Variants in ADGB observed in about 807,000 individuals in gnomAD.
ADGB encodes the protein calpain-7-like protein.
In ADGB, 172 loss-of-function variants were observed where a neutral mutation model predicts 210.5. The observed-to-expected ratio is 0.82, with a 90% CI of 0.72 to 0.93. The LOEUF is 0.93. Ranked by LOEUF, ADGB falls within the 40% of genes least tolerant of loss-of-function variation. ADGB has a pLI of 0.00. For synonymous variants in ADGB, 658 were observed against 662.7 expected, an observed-to-expected ratio of 0.99 and a Z score of 0.11; for missense variants, 2,025 against 1,964.8, an observed-to-expected ratio of 1.03 and a Z score of -0.58.
At chr6:146,711,783 A>G (rs1444721264) in intron 13 of ADGB, among the ~76,000 whole-genome samples, 4 of 152,004 alleles carry the variant, frequency 2.6e-5, no homozygotes, top group Non-Finnish European at 5.9e-5. Context: ...TAATCCCAGC[A>G]TGTTGGTAGG....
chr6:146,769,269 C>A (rs142447431), intron 29 of ADGB, 138 bp downstream of exon 29: 1 of 470,438 alleles, frequency 2.1e-6, no homozygotes, highest in Non-Finnish European at 3.9e-6. Flanking sequence ...TACTCTATAT[C>A]CTGTTACATT....
intron 3 of ADGB, among the ~76,000 whole-genome samples, chr6:146,646,666 A>G (rs1775617414): frequency 6.6e-6 from 1 of 152,166 alleles, no homozygotes; most frequent in African/African-American, 2.4e-5. Context: ...AAAATATTTT[A>G]CAACCCTGTA....
intron 2 of ADGB, among the ~76,000 whole-genome samples, chr6:146,641,866 C>T (rs1245397005): frequency 6.6e-6 from 1 of 151,978 alleles, no homozygotes; most frequent in Non-Finnish European, 1.5e-5. Flanking sequence ...ATGACGAAGC[C>T]ACCAAAAGCA....
intron 7 of ADGB, 99 bp from the exon 8 acceptor site, chr6:146,672,121 T>G: frequency 1.5e-6 from 2 of 1,368,358 alleles, no homozygotes; most frequent in Non-Finnish European, 1.9e-6. Context: ...AAATTATTCA[T>G]TAAATAGCAA....
intron 5 of ADGB, among the ~76,000 whole-genome samples, chr6:146,662,958 TATAA>T (rs990708436): frequency 1.7e-4 from 24 of 141,072 alleles, no homozygotes; most frequent in African/African-American, 6.5e-4. Flanking sequence ...ATATTACACA[TATAA>T]ATATATATGT....
At chr6:146,642,893 T>C (rs1243575443) in intron 2 of ADGB, among the ~76,000 whole-genome samples, 2 of 151,872 alleles carry the variant, frequency 1.3e-5, no homozygotes. Flanking sequence ...AATCTTCTTA[T>C]GTACCCCCAA....
intron 7 of ADGB, among the ~76,000 whole-genome samples, chr6:146,670,837 G>C (rs769639075): frequency 6.6e-6 from 1 of 152,098 alleles, no homozygotes; most frequent in African/African-American, 2.4e-5. Flanking sequence ...ATTTTTAAAG[G>C]CTATACTAGA....
At chr6:146,681,735 G>C (rs576647628) in intron 9 of ADGB, among the ~76,000 whole-genome samples, 9 of 152,076 alleles carry the variant, frequency 5.9e-5, no homozygotes, top group African/African-American at 1.2e-4. Context: ...GGTATAAAAA[G>C]TCTTTTACTT....
At chr6:146,765,378 T>G (rs528043841) in intron 28 of ADGB, among the ~76,000 whole-genome samples, 2 of 152,092 alleles carry the variant, frequency 1.3e-5, no homozygotes, top group East Asian at 3.9e-4. Flanking sequence ...GCTTAATCAT[T>G]TAGATATCTA....
At chr6:146,797,526 C>G (rs931825942) in intron 33 of ADGB, among the ~76,000 whole-genome samples, 1 of 151,834 alleles carries the variant, frequency 6.6e-6, no homozygotes, top group Non-Finnish European at 1.5e-5. Flanking sequence ...TACATATATA[C>G]ACACACACAC....
rs936758706 is a variant in ADGB at position 146,691,004 on chromosome 6, T to C, written c.1312-112T>C. 1.1e-4 allele frequency: 87 copies of C among 777,406 alleles called. No homozygotes were observed. In the African/African-American group the frequency reaches 1.1e-3, roughly 10 times the overall value. 48.2% of individuals were successfully genotyped at this position (777,406 alleles called of 1,614,324 possible). A position where few individuals can be genotyped will look rare whatever the true frequency, so the allele number is the denominator to read the frequency against. On this transcript the variant is annotated intron_variant, in intron 10 of 35. Transcript: ENST00000397944. ...TAAGAGAGGTAGAGATATTGGGTGATTTTTTTTCTTACTACCACCATATTG... is the reference window on the plus strand; with the variant it reads ...TAAGAGAGGTAGAGATATTGGGTGACTTTTTTTCTTACTACCACCATATTG...
intron 32 of ADGB, among the ~76,000 whole-genome samples, chr6:146,787,248 T>C (rs540686579): frequency 6.6e-6 from 1 of 152,284 alleles, no homozygotes; most frequent in Non-Finnish European, 1.5e-5. Flanking sequence ...ATGTGAATAC[T>C]CAGTGGCCAC....
intron 8 of ADGB, among the ~76,000 whole-genome samples, 156 bp from the exon 9 acceptor site, chr6:146,676,157 A>G (rs1265997073): frequency 6.6e-6 from 1 of 152,036 alleles, no homozygotes; most frequent in African/African-American, 2.4e-5. Context: ...TGGTGTTTCT[A>G]ATTAGAGGGG....
Position 146,668,376 on chromosome 6 carries a change from C to T in ADGB, c.839+1474C>T, listed in dbSNP as rs574667564. 3.3e-5 allele frequency among the ~76,000 whole-genome samples: 5 copies of T among 152,128 alleles called. No homozygotes were observed. The East Asian group carries it at 9.7e-4, about 29-fold the overall frequency. On this transcript the variant is annotated intron_variant, in intron 7 of 35. Transcript: ENST00000397944. The stretch of plus-strand genomic sequence containing the variant: ...AGTAACTTGGATTCTGCCATCTTCA[C>T]CATATTTTCAGCAGGATAAACTTGG...
chr6:146,657,539 G>A (rs1368250858), intron 5 of ADGB, among the ~76,000 whole-genome samples: 1 of 152,176 alleles, frequency 6.6e-6, no homozygotes, highest in African/African-American at 2.4e-5. Context: ...ACTTTAAACA[G>A]GTTCTGCCTA....
In ADGB at chr6:146,781,102, C is replaced by T. The variant is rs887830727; in HGVS notation, c.3863-918C>T. Reference sequence around the variant, plus strand: ...CAGCACTTTGGGAGGCCGAGGCAGGCGGATCACGAGCTCACGAGATCAAGA... The same window carrying T: ...CAGCACTTTGGGAGGCCGAGGCAGGTGGATCACGAGCTCACGAGATCAAGA... On this transcript the variant is annotated intron_variant, in intron 29 of 35. Transcript: ENST00000397944. Among the ~76,000 whole-genome samples, 11 of 145,166 alleles carry T rather than the reference C, an allele frequency of 7.6e-5. No individual in the cohort carries two copies. The Middle Eastern group carries it at 0.015, about 194-fold the overall frequency.
intron 35 of ADGB, among the ~76,000 whole-genome samples, chr6:146,808,550 C>T (rs933241280): frequency 2.0e-5 from 3 of 152,238 alleles, no homozygotes; most frequent in African/African-American, 7.2e-5. Flanking sequence ...AACTGAGGCA[C>T]ATAGCAGGAA....
intron 27 of ADGB, among the ~76,000 whole-genome samples, chr6:146,752,975 T>G (rs1410804369): frequency 6.6e-6 from 1 of 152,100 alleles, no homozygotes; most frequent in Non-Finnish European, 1.5e-5. Flanking sequence ...GTCAAATTTT[T>G]ATTATTTTGA....
chr6:146,764,795 T>TTTTG (rs1171546000), intron 28 of ADGB, among the ~76,000 whole-genome samples: 4 of 152,022 alleles, frequency 2.6e-5, no homozygotes, highest in African/African-American at 7.2e-5. Context: ...GATGATAGTG[T>TTTTG]TTTGTTTGTT....
Sources: gnomAD v4.1 joint callset for allele counts (sites outside exome capture counted in the v4.1 genomes callset) on GRCh38, gnomAD v4.1.1 for gene constraint, MANE v1.5 for transcripts, NCBI Gene and HGNC (gene_info 2026-07-23, HGNC 2026-07-21) for gene names.